The following TDRD9 variants were observed in gnomAD, a reference collection of about 807,000 sequenced individuals.
TDRD9 encodes the protein tudor domain containing 9, also known as ATP-dependent RNA helicase TDRD9.
Under a neutral mutation model 172.6 loss-of-function variants are expected in TDRD9, and 124 were observed. That is an observed-to-expected ratio of 0.72 (90% CI 0.62 to 0.83). The LOEUF is 0.83. Among genes scored for constraint, TDRD9 ranks in the 40% least tolerant of loss-of-function variants. TDRD9 has a pLI of 0.00. For missense variants in TDRD9, 1,479 were observed against 1,714.1 expected (o/e 0.86, Z 2.42); for synonymous variants, 619 against 617.1 (o/e 1.00, Z -0.05).
At chr14:103,941,659 C>A (rs926323250) in intron 1 of TDRD9, 2 of 1,528,366 alleles carry the variant, frequency 1.3e-6, no homozygotes, top group Non-Finnish European at 1.7e-6. Context: ...TTGTAGGAAT[C>A]GTTTTTGGGC....
chr14:103,956,006 A>T (rs1287287241), intron 2 of TDRD9, among the ~76,000 whole-genome samples: 2 of 139,914 alleles, frequency 1.4e-5, no homozygotes, highest in Non-Finnish European at 3.0e-5. Context: ...GCTACTCGGG[A>T]GGCTGAGGTG....
At chr14:103,956,098 AAAAAAAAAAAAAAATATAT>A (rs1271919811) in intron 2 of TDRD9, among the ~76,000 whole-genome samples, 8 of 53,612 alleles carry the variant, frequency 1.5e-4, no homozygotes, top group South Asian at 7.5e-4. Flanking sequence ...AAAAAAAAAA[AAAAAAAAAAAAAAATATAT>A]ATATATATAT....
At chr14:104,006,017 CT>C (rs2034426466) in intron 15 of TDRD9, among the ~76,000 whole-genome samples, 1 of 152,126 alleles carries the variant, frequency 6.6e-6, no homozygotes, top group Admixed American at 6.5e-5. Flanking sequence ...ATGAAATACA[CT>C]GTGTCAAGTT....
chr14:103,966,061 C>T (rs921870522), intron 4 of TDRD9, among the ~76,000 whole-genome samples: 3 of 150,586 alleles, frequency 2.0e-5, no homozygotes, highest in Admixed American at 6.6e-5. Context: ...CTGGGCATGG[C>T]GGCTCACGCC....
In TDRD9 at chr14:103,991,236, A is replaced by G. The variant is rs762859541; in HGVS notation, c.1180+12A>G. 2.5e-6 allele frequency: 4 copies of G among 1,613,910 alleles called. No individual in the cohort carries two copies. The highest frequency in any genetic ancestry group is 2.2e-5 in the South Asian group (2 of 91,050). On this transcript the variant is annotated intron_variant, in intron 9 of 35. Coordinates refer to ENST00000409874, the MANE Select transcript of TDRD9 (RefSeq NM_153046.3). ...GGTGTTTTTGCCAGGTAAGAACATCATAATTTTGTGACTTGGAATCATAAT... is the reference window on the plus strand; with the variant it reads ...GGTGTTTTTGCCAGGTAAGAACATCGTAATTTTGTGACTTGGAATCATAAT...
rs1436472774 is a variant in TDRD9 at position 103,938,457 on chromosome 14, G to C, written c.215+9733G>C. 3.1e-3 allele frequency among the ~76,000 whole-genome samples: 14 copies of C among 4,588 alleles called. 1 individual carries two copies. The highest frequency in any genetic ancestry group is 7.3e-3 in the African/African-American group (13 of 1,780). The allele number at this position is 4,588 out of a possible 152,430, so 3.0% of individuals were successfully genotyped here. On this transcript the variant is annotated intron_variant, in intron 1 of 35. Transcript: ENST00000409874. ...ATATATATATTTTTTTTTTTTTTTT[G>C]AGATGGTGTCTCGCTCTGTTGCGCA...
intron 8 of TDRD9, among the ~76,000 whole-genome samples, chr14:103,988,537 T>A (rs2152192470): frequency 6.6e-6 from 1 of 152,290 alleles, no homozygotes; most frequent in Middle Eastern, 3.4e-3. Context: ...TTATGTTGTT[T>A]AATCCATTTA....
intron 2 of TDRD9, among the ~76,000 whole-genome samples, chr14:103,962,032 TC>T (rs2152140548): frequency 6.6e-6 from 1 of 152,304 alleles, no homozygotes; most frequent in Non-Finnish European, 1.5e-5. Flanking sequence ...AAGTTTGTCT[TC>T]CGTGAGTTTT....
In TDRD9 at chr14:103,975,572, T is replaced by G. The variant is rs1177345284; in HGVS notation, c.1011+19T>G. ...TAGCAAGGTATGTTAGAATGTGCTG[T>G]TTCTTTTATAGTGAGCGTACTCTTG... On this transcript the variant is annotated intron_variant, in intron 7 of 35. Transcript: ENST00000409874. 1 of 1,580,332 alleles carries G rather than the reference T, an allele frequency of 6.3e-7. No individual in the cohort carries two copies. The highest frequency in any genetic ancestry group is 1.8e-5 in the Admixed American group (1 of 54,524).
rs761148656 is a variant in TDRD9 at position 104,049,632 on chromosome 14, G to T, written c.3999G>T (p.Arg1333Ser). 1.3e-6 allele frequency: 2 copies of T among 1,584,838 alleles called. No individual in the cohort carries two copies. The highest frequency in any genetic ancestry group is 2.3e-5 in the East Asian group (1 of 43,248). Reference protein sequence around the residue: ...LLGLFCQSKPREKIVPKWHEK... With the variant: ...LLGLFCQSKPSEKIVPKWHEK... ...GTTTGTTCTGTCAGTCAAAACCAAG[G>T]GAGAAGATTGTTCCCAAGTGGCATG... Residue 1333 changes from arginine (R) to serine (S), a missense_variant, in exon 35 of 36, where the codon AGG becomes AGT. Physicochemically the swap from Arg to Ser is moderately radical, Grantham distance 110. This residue lies in a region of TDRD9 where 1,413 missense variants were observed against 1,649.1 expected (regional missense o/e 0.86). Coordinates refer to ENST00000409874, the MANE Select transcript of TDRD9 (RefSeq NM_153046.3).
chr14:104,040,098 C>A (rs2035568264), intron 32 of TDRD9, 98 bp from the exon 33 acceptor site: 3 of 1,169,956 alleles, frequency 2.6e-6, no homozygotes, highest in South Asian at 3.6e-5. Flanking sequence ...CTAGGGCTGG[C>A]AGAATTTAGG....
chr14:103,930,142 T>A (rs1453868617), intron 1 of TDRD9, among the ~76,000 whole-genome samples: 1 of 152,038 alleles, frequency 6.6e-6, no homozygotes, highest in African/African-American at 2.4e-5. Flanking sequence ...AGTCCCCAAG[T>A]CCAGCACGCT....
chr14:103,959,653 T>G (rs985841208), intron 2 of TDRD9, among the ~76,000 whole-genome samples: 1 of 152,184 alleles, frequency 6.6e-6, no homozygotes, highest in African/African-American at 2.4e-5. Context: ...CACTTTTGAT[T>G]TTGGCCTGAT....
chr14:103,955,560 C>A, intron 1 of TDRD9, 104 bp from the exon 2 acceptor site: 1 of 696,842 alleles, frequency 1.4e-6, no homozygotes, highest in Non-Finnish European at 2.3e-6. Flanking sequence ...TGTTTATTGA[C>A]TATTTGCATT....
intron 33 of TDRD9, among the ~76,000 whole-genome samples, 192 bp from the exon 34 acceptor site, chr14:104,041,877 T>C (rs2035620843): frequency 6.6e-6 from 1 of 152,238 alleles, no homozygotes; most frequent in Non-Finnish European, 1.5e-5. Flanking sequence ...ATAGAGCTTG[T>C]ATGTGAATAT....
At chr14:104,026,973 T>C (rs2035143452) in intron 28 of TDRD9, 34 bp downstream of exon 28, 1 of 1,603,672 alleles carries the variant, frequency 6.2e-7, no homozygotes, top group Non-Finnish European at 8.5e-7. Context: ...AGCACGCGTT[T>C]GTGTGAGAGA....
intron 4 of TDRD9, among the ~76,000 whole-genome samples, chr14:103,966,072 T>A (rs1393378254): frequency 6.6e-6 from 1 of 152,180 alleles, no homozygotes; most frequent in African/African-American, 2.4e-5. Flanking sequence ...GGCTCACGCC[T>A]GTAATCCCAG....
chr14:103,994,444 A>G (rs2033983337), intron 10 of TDRD9, 58 bp downstream of exon 10: 2 of 1,604,024 alleles, frequency 1.2e-6, no homozygotes, highest in East Asian at 4.5e-5. Flanking sequence ...TTCTGCCTTA[A>G]ATTATCTCAG....
intron 34 of TDRD9, among the ~76,000 whole-genome samples, chr14:104,044,010 T>G (rs2035688443): frequency 1.3e-5 from 2 of 152,218 alleles, no homozygotes; most frequent in Admixed American, 6.5e-5. Context: ...TCTGCCCTGC[T>G]TAAGCCTGTG....
Sources: gnomAD v4.1 joint callset for allele counts (sites outside exome capture counted in the v4.1 genomes callset) on GRCh38, gnomAD v4.1.1 for gene constraint, gnomAD v4.1.1 regional missense constraint, MANE v1.5 for transcripts, NCBI Gene and HGNC (gene_info 2026-07-23, HGNC 2026-07-21) for gene names.